Variants in NAALADL2 observed in about 807,000 individuals in gnomAD.
NAALADL2 encodes N-acetylated alpha-linked acidic dipeptidase like 2.
In NAALADL2, 76 loss-of-function variants were observed where a neutral mutation model predicts 87.2. The observed-to-expected ratio is 0.87, with a 90% CI of 0.72 to 1.05. The LOEUF is 1.05. Among genes scored for constraint, NAALADL2 ranks in the 50% least tolerant of loss-of-function variants. The pLI is 0.00. For missense variants in NAALADL2, 1,089 were observed against 945.8 expected, an observed-to-expected ratio of 1.15 and a Z score of -1.99; for synonymous variants, 354 against 331.0, an observed-to-expected ratio of 1.07 and a Z score of -0.75.
At chr3:175,404,779 CCT>C (rs1711998266) in intron 5 of NAALADL2, among the ~76,000 whole-genome samples, 1 of 152,082 alleles carries the variant, frequency 6.6e-6, no homozygotes, top group Non-Finnish European at 1.5e-5. Context: ...TACAAGTTGA[CCT>C]CATATATCAA....
chr3:175,371,546 T>A (rs1207251664), intron 5 of NAALADL2, among the ~76,000 whole-genome samples: 2 of 152,094 alleles, frequency 1.3e-5, no homozygotes, highest in Admixed American at 6.5e-5. Context: ...TGATATGAGC[T>A]GGGCACGACG....
At chr3:174,932,015 G>A (rs1173417662) in intron 1 of NAALADL2, among the ~76,000 whole-genome samples, 3 of 152,178 alleles carry the variant, frequency 2.0e-5, no homozygotes, top group African/African-American at 7.2e-5. Context: ...TCAATCCAGT[G>A]ATGGCAGAAT....
At chr3:175,797,975 T>C (rs1158016634) in intron 13 of NAALADL2, among the ~76,000 whole-genome samples, 1 of 152,052 alleles carries the variant, frequency 6.6e-6, no homozygotes, top group Admixed American at 6.6e-5. Context: ...TGTAAAAACA[T>C]GATTTTGTTT....
chr3:174,939,990 T>C (rs1003321847), intron 1 of NAALADL2, among the ~76,000 whole-genome samples: 5 of 152,032 alleles, frequency 3.3e-5, no homozygotes, highest in African/African-American at 1.2e-4. Flanking sequence ...ACTTAGGTGT[T>C]CTTTATTTTT....
intron 1 of NAALADL2, among the ~76,000 whole-genome samples, chr3:175,009,712 C>T (rs1749530018): frequency 6.6e-6 from 1 of 152,068 alleles, no homozygotes; most frequent in African/African-American, 2.4e-5. Context: ...TGGACCCTCA[C>T]TGGATAGTCA....
At chr3:174,899,127 A>G (rs904329541) in intron 1 of NAALADL2, among the ~76,000 whole-genome samples, 4 of 152,212 alleles carry the variant, frequency 2.6e-5, no homozygotes, top group African/African-American at 7.2e-5. Flanking sequence ...GAACATTAAA[A>G]CTACAAAGAC....
chr3:175,123,675 T>G (rs9827073), intron 2 of NAALADL2, among the ~76,000 whole-genome samples: 91,711 of 151,630 alleles, frequency 0.6, 28,252 homozygotes, highest in African/African-American at 0.73. Flanking sequence ...ACATCCCCTC[T>G]TCTGTATCTC....
intron 1 of NAALADL2, among the ~76,000 whole-genome samples, chr3:174,447,692 G>A (rs944564867): frequency 6.6e-6 from 1 of 152,012 alleles, no homozygotes; most frequent in Non-Finnish European, 1.5e-5. Context: ...GTGGGTGCCT[G>A]TAGTCCCAGC....
At chr3:175,587,301 C>T (rs1000513188) in intron 10 of NAALADL2, among the ~76,000 whole-genome samples, 1 of 152,156 alleles carries the variant, frequency 6.6e-6, no homozygotes, top group South Asian at 2.1e-4. Flanking sequence ...ATGTTTTATT[C>T]TTGCTCTTGC....
In NAALADL2 at chr3:175,140,078, T is replaced by G. The variant is rs116571971; in HGVS notation, c.545+42787T>G. Among the ~76,000 whole-genome samples, 863 of 152,262 alleles carry G rather than the reference T, an allele frequency of 5.7e-3. 9 individuals are homozygous for G. The highest frequency in any genetic ancestry group is 0.018 in the African/African-American group (745 of 41,552). On this transcript the variant is annotated intron_variant, in intron 2 of 13. Transcript: ENST00000454872. ...GGATTTAAATTCAGTCAGGCAAACC[T>G]GGCTTTGAATCTTAGCTCTGTCTGT...
chr3:175,737,448 A>C, intron 12 of NAALADL2, 49 bp downstream of exon 12: 1 of 1,158,232 alleles, frequency 8.6e-7, no homozygotes. Flanking sequence ...AAATTGTTCA[A>C]CTAATTTTCA....
intron 1 of NAALADL2, among the ~76,000 whole-genome samples, chr3:174,933,155 T>A (rs915614916): frequency 2.6e-5 from 4 of 152,196 alleles, no homozygotes; most frequent in Non-Finnish European, 5.9e-5. Flanking sequence ...TATCTGCCTG[T>A]TGACTCTGCT....
chr3:174,869,712 G>T (rs1197729871), intron 1 of NAALADL2, among the ~76,000 whole-genome samples: 4 of 152,090 alleles, frequency 2.6e-5, no homozygotes, highest in African/African-American at 9.7e-5. Flanking sequence ...GATAGTGTCA[G>T]TGAATGTGGG....
At chr3:175,689,970 T>C (rs1464039608) in intron 11 of NAALADL2, among the ~76,000 whole-genome samples, 1 of 152,092 alleles carries the variant, frequency 6.6e-6, no homozygotes, top group Non-Finnish European at 1.5e-5. Context: ...ATTAAGCAAA[T>C]ATACTGAAAT....
At chr3:175,680,625 A>C (rs750482987) in intron 11 of NAALADL2, among the ~76,000 whole-genome samples, 5 of 152,188 alleles carry the variant, frequency 3.3e-5, no homozygotes, top group Non-Finnish European at 5.9e-5. Flanking sequence ...TATCACTGAT[A>C]TACTCATAGT....
chr3:175,687,670 A>G lies in NAALADL2; in HGVS notation c.1897-49636A>G, dbSNP rs534657808. Among the ~76,000 whole-genome samples, 6 of 152,248 alleles carry G rather than the reference A, an allele frequency of 3.9e-5. No homozygotes were observed. In the South Asian group the frequency reaches 1.2e-3, roughly 32 times the overall value. ...TCAGTGTTTGTCCCCTCCAAATCTCATGTTGAAATGTTATTCCTAATGTTG... is the reference window on the plus strand; with the variant it reads ...TCAGTGTTTGTCCCCTCCAAATCTCGTGTTGAAATGTTATTCCTAATGTTG... On this transcript the variant is annotated intron_variant, in intron 11 of 13. Coordinates refer to ENST00000454872, the MANE Select transcript of NAALADL2 (RefSeq NM_207015.3).
At chr3:174,871,621 G>A (rs1466108718) in intron 1 of NAALADL2, among the ~76,000 whole-genome samples, 4 of 152,120 alleles carry the variant, frequency 2.6e-5, no homozygotes, top group South Asian at 2.1e-4. Context: ...TAACTTGGCC[G>A]GGCACAGTGG....
At chr3:175,219,783 G>T (rs144120424) in intron 2 of NAALADL2, among the ~76,000 whole-genome samples, 125 of 150,972 alleles carry the variant, frequency 8.3e-4, no homozygotes, top group African/African-American at 2.8e-3. Context: ...ACAACCTTGA[G>T]TTTTCCAGCT....
At chr3:175,682,957 C>T (rs78464183) in intron 11 of NAALADL2, among the ~76,000 whole-genome samples, 1 of 151,908 alleles carries the variant, frequency 6.6e-6, no homozygotes, top group Admixed American at 6.6e-5. Flanking sequence ...AAGGAGAGAT[C>T]TCAAAGTAAA....
Sources: allele counts gnomAD v4.1 joint callset (sites outside exome capture counted in the v4.1 genomes callset), GRCh38; gene constraint gnomAD v4.1.1; transcripts MANE v1.5; gene names NCBI Gene and HGNC (gene_info 2026-07-23, HGNC 2026-07-21).